The following FNDC3B variants were observed in gnomAD, a reference collection of about 807,000 sequenced individuals.
The protein encoded by FNDC3B is fibronectin type III domain containing 3B.
A neutral mutation model predicts 151.5 loss-of-function variants in FNDC3B; 12 were observed. That is an observed-to-expected ratio of 0.08 (90% confidence interval 0.05 to 0.13). The LOEUF (loss-of-function observed/expected upper bound fraction) is 0.13, where lower values mean the gene tolerates loss of function less well. Ranked by LOEUF, FNDC3B falls within the 10% of genes least tolerant of loss-of-function variation. FNDC3B has a pLI of 1.00. For missense variants in FNDC3B, 1,214 were observed against 1,505.3 expected, an observed-to-expected ratio of 0.81 and a Z score of 3.20; for synonymous variants, 528 against 549.0, an observed-to-expected ratio of 0.96 and a Z score of 0.54.
At chr3:172,200,951 A>G (rs761620051) in intron 3 of FNDC3B, among the ~76,000 whole-genome samples, 1 of 152,210 alleles carries the variant, frequency 6.6e-6, no homozygotes, top group Non-Finnish European at 1.5e-5. Context: ...ATTTTTAACA[A>G]AAGAGCTATC....
chr3:172,257,973 G>T (rs758973848), intron 6 of FNDC3B, among the ~76,000 whole-genome samples: 1 of 152,164 alleles, frequency 6.6e-6, no homozygotes, highest in Admixed American at 6.5e-5. Context: ...GAGGCATTCA[G>T]TTGGAACACT....
At chr3:172,343,715 A>G (rs1441369181) in intron 18 of FNDC3B, among the ~76,000 whole-genome samples, 1 of 152,176 alleles carries the variant, frequency 6.6e-6, no homozygotes, top group African/African-American at 2.4e-5. Context: ...AATTGTGCCA[A>G]TTTGGGGTCC....
rs549231401 is a variant in FNDC3B, at chr3:172,041,998, TA to T, written c.-29+2237del. The stretch of plus-strand genomic sequence containing the variant: ...TGGCTGAGAATGAGGCATAGTTGAT[TA>T]AAAAAAAAATCAGTCATTACAAAAT... On this transcript the variant is annotated intron_variant, in intron 1 of 25. Transcript: ENST00000415807. Among the ~76,000 whole-genome samples the T allele has an allele frequency of 8.4e-4, 126 of 150,056 alleles. 1 individual carries two copies. The highest frequency in any genetic ancestry group is 2.0e-3 in the African/African-American group (84 of 40,990).
intron 6 of FNDC3B, among the ~76,000 whole-genome samples, chr3:172,252,479 C>G (rs1183329669): frequency 6.6e-6 from 1 of 151,234 alleles, no homozygotes; most frequent in Admixed American, 6.6e-5. Flanking sequence ...CTGATTATAA[C>G]ACTCATTGAT....
intron 3 of FNDC3B, among the ~76,000 whole-genome samples, chr3:172,226,537 A>G (rs1726591099): frequency 2.0e-5 from 3 of 152,194 alleles, no homozygotes; most frequent in Admixed American, 6.5e-5. Context: ...TTAAAGGCCA[A>G]ATAAAAAGAA....
intron 2 of FNDC3B, among the ~76,000 whole-genome samples, chr3:172,118,480 A>G (rs991137532): frequency 1.3e-5 from 2 of 152,252 alleles, no homozygotes; most frequent in Non-Finnish European, 2.9e-5. Flanking sequence ...TAGAAAAATG[A>G]ATAAACAACT....
In FNDC3B at chr3:172,068,357, C is replaced by T. The variant is rs146887613; in HGVS notation, c.-29+28586C>T. Among the ~76,000 whole-genome samples the T allele has an allele frequency of 7.3e-3, 1,100 of 151,344 alleles. 17 individuals are homozygous for T. Among genetic ancestry groups the T allele is most frequent in the African/African-American group, 0.026 (1,057 of 41,316 alleles). ...TCCCTCTGTTTCCTCAGACATTTTA[C>T]TTGAATTAATTTTGTAGTTCTCCTT... On this transcript the variant is annotated intron_variant, in intron 1 of 25. Transcript: ENST00000415807.
At chr3:172,194,303 T>C (rs761523245) in intron 3 of FNDC3B, among the ~76,000 whole-genome samples, 2 of 152,204 alleles carry the variant, frequency 1.3e-5, no homozygotes, top group Non-Finnish European at 2.9e-5. Flanking sequence ...GCAGCCCTTA[T>C]GTGGTTCTGC....
intron 1 of FNDC3B, among the ~76,000 whole-genome samples, chr3:172,055,087 T>C (rs1375965456): frequency 1.3e-5 from 2 of 152,210 alleles, no homozygotes; most frequent in Non-Finnish European, 2.9e-5. Context: ...GCTTTGTATT[T>C]ATACTCATTT....
At chr3:172,358,893 A>G (rs114788370) in intron 22 of FNDC3B, among the ~76,000 whole-genome samples, 1,757 of 149,936 alleles carry the variant, frequency 0.012, 35 homozygotes, top group African/African-American at 0.041. Flanking sequence ...CTCCAAATTG[A>G]TGAGCAGGAT....
Position 172,251,336 on chromosome 3 carries a change from G to A in FNDC3B, c.585G>A (p.Leu195=). 1 of 1,613,948 alleles carries A rather than the reference G, an allele frequency of 6.2e-7. No homozygotes were observed. The highest frequency in any genetic ancestry group is 2.2e-5 in the East Asian group (1 of 44,864). ...ACAGCAAGCCTCCGCACAAAAAACT[G>A]AAAGACCGCCAGATCGATCGCCAGA... ...DQYSKPPHKK[L]KDRQIDRQNR... Residue 195 remains leucine (L), a synonymous_variant, in exon 6 of 26, where the codon CTG becomes CTA. Transcript: ENST00000415807.
At chr3:172,099,083 G>A (rs1030172527) in intron 1 of FNDC3B, among the ~76,000 whole-genome samples, 2 of 152,168 alleles carry the variant, frequency 1.3e-5, no homozygotes, top group Non-Finnish European at 2.9e-5. Context: ...ATTTATAGCG[G>A]CCAGTGGAAA....
intron 2 of FNDC3B, among the ~76,000 whole-genome samples, chr3:172,124,393 A>G (rs755057036): frequency 1.1e-4 from 17 of 152,218 alleles, no homozygotes; most frequent in Non-Finnish European, 1.9e-4. Flanking sequence ...GCCTGGGCCA[A>G]TCTTGGAACT....
intron 2 of FNDC3B, chr3:172,127,136 A>C (rs1349115744): frequency 4.4e-6 from 2 of 454,200 alleles, no homozygotes; most frequent in African/African-American, 4.0e-5. Flanking sequence ...TTGAGACTGT[A>C]ATTTTACTTA....
intron 4 of FNDC3B, among the ~76,000 whole-genome samples, chr3:172,239,995 A>G (rs527304034): frequency 7.1e-4 from 107 of 149,878 alleles, no homozygotes; most frequent in African/African-American, 2.5e-3. Flanking sequence ...CAGCCTCCCG[A>G]GCAGCTGGGA....
At chr3:172,293,437 A>G (rs1369402651) in intron 7 of FNDC3B, among the ~76,000 whole-genome samples, 2 of 152,220 alleles carry the variant, frequency 1.3e-5, no homozygotes, top group Non-Finnish European at 2.9e-5. Context: ...TCTGTGTCAG[A>G]AACTCAGACT....
intron 4 of FNDC3B, chr3:172,227,248 C>T (rs914390603): frequency 3.4e-5 from 8 of 232,286 alleles, no homozygotes; most frequent in Admixed American, 5.4e-5. Flanking sequence ...TTTCCTTCCA[C>T]CTGTAATACA....
chr3:172,174,944 C>CCCCCCCCCCCCCCCCG (rs924176605), intron 3 of FNDC3B, among the ~76,000 whole-genome samples: 7 of 50,744 alleles, frequency 1.4e-4, no homozygotes, highest in Admixed American at 7.3e-4. Context: ...CCCCCCCCCC[C>CCCCCCCCCCCCCCCCG]CCAATACAAT....
intron 2 of FNDC3B, among the ~76,000 whole-genome samples, 174 bp from the exon 3 acceptor site, chr3:172,133,296 AT>A (rs1471964593): frequency 2.6e-5 from 4 of 152,236 alleles, no homozygotes; most frequent in Non-Finnish European, 2.9e-5. Flanking sequence ...CTAAATTTGA[AT>A]GCATGTACTC....
Sources: gnomAD v4.1 joint callset for allele counts (sites outside exome capture counted in the v4.1 genomes callset) on GRCh38, gnomAD v4.1.1 for gene constraint, MANE v1.5 for transcripts, NCBI Gene and HGNC (gene_info 2026-07-23, HGNC 2026-07-21) for gene names.